ARHGAP31: variants seen among roughly 807,000 people sequenced by gnomAD.
The protein encoded by ARHGAP31 is Rho GTPase activating protein 31.
A neutral mutation model predicts 113.9 loss-of-function variants in ARHGAP31; 34 were observed. That is an observed-to-expected ratio of 0.30 (90% CI 0.23 to 0.40). ARHGAP31 has a LOEUF of 0.40. ARHGAP31 is among the 10% of genes least tolerant of loss of function. The pLI is 1.00. For missense variants in ARHGAP31, 1,548 were observed against 1,767.1 expected, an observed-to-expected ratio of 0.88 and a Z score of 2.22; for synonymous variants, 650 against 684.8, an observed-to-expected ratio of 0.95 and a Z score of 0.79.
chr3:119,355,443 G>A (rs1205038394), intron 1 of ARHGAP31, among the ~76,000 whole-genome samples: 1 of 151,400 alleles, frequency 6.6e-6, no homozygotes, highest in East Asian at 1.9e-4. Context: ...CTCCTGTTCA[G>A]GAAAACATTT....
At chr3:119,302,470 A>G (rs2079592834) in intron 1 of ARHGAP31, among the ~76,000 whole-genome samples, 1 of 152,218 alleles carries the variant, frequency 6.6e-6, no homozygotes, top group African/African-American at 2.4e-5. Flanking sequence ...AGGTCTCTTG[A>G]AGAGAAAGGA....
At chr3:119,303,802 T>C (rs2079606964) in intron 1 of ARHGAP31, among the ~76,000 whole-genome samples, 1 of 150,020 alleles carries the variant, frequency 6.7e-6, no homozygotes. Context: ...GTTGTTGTTG[T>C]TGTTGTTGTT....
chr3:119,346,910 T>A (rs533610452), intron 1 of ARHGAP31, among the ~76,000 whole-genome samples: 26 of 152,250 alleles, frequency 1.7e-4, no homozygotes, highest in Admixed American at 6.5e-5. Context: ...ATCAGGCAGG[T>A]TCAATACAAT....
rs906118812 is a variant in ARHGAP31 at position 119,420,538 on chromosome 3, A to G, written c.*4274A>G. 1 of 152,186 alleles carries G rather than the reference A, an allele frequency of 6.6e-6. No individual in the cohort carries two copies. The highest frequency in any genetic ancestry group is 1.5e-5 in the Non-Finnish European group (1 of 68,026). 9.4% of individuals were successfully genotyped at this position (152,186 alleles called of 1,614,324 possible). A position where few individuals can be genotyped will look rare whatever the true frequency, so the allele number is the denominator to read the frequency against. The stretch of plus-strand genomic sequence containing the variant: ...AGATCATTTAGTAATCTTGAGGTAC[A>G]TTAATAATGCAGAGATTACTTTTCT... On this transcript the variant is annotated 3_prime_UTR_variant, in exon 12 of 12. Coordinates refer to ENST00000264245, the MANE Select transcript of ARHGAP31 (RefSeq NM_020754.4).
At chr3:119,411,407 G>T (rs2080715531) in intron 11 of ARHGAP31, among the ~76,000 whole-genome samples, 1 of 152,136 alleles carries the variant, frequency 6.6e-6, no homozygotes, top group African/African-American at 2.4e-5. Flanking sequence ...TTAGAAGGTA[G>T]AATGGACAGG....
rs572124481 is a variant in ARHGAP31 at position 119,349,532 on chromosome 3, T to A, written c.101-15784T>A. Among the ~76,000 whole-genome samples, 8 of 152,182 alleles carry A rather than the reference T, an allele frequency of 5.3e-5. No individual in the cohort carries two copies. In the East Asian group the frequency reaches 1.4e-3, roughly 26 times the overall value. ...AGAGAACTGTGAGGAGTTTACCTGA[T>A]TAGAGAGGGTGATGTTGGGGGAGGG... On this transcript the variant is annotated intron_variant, in intron 1 of 11. Transcript: ENST00000264245.
At chr3:119,381,978 T>C in intron 4 of ARHGAP31, among the ~76,000 whole-genome samples, 1 of 107,754 alleles carries the variant, frequency 9.3e-6, no homozygotes, top group African/African-American at 3.9e-5. Context: ...AGAGCGAGAC[T>C]CCGTCTCAAA....
rs2080498527 is a variant in ARHGAP31, at chr3:119,390,934, C to T, written c.832C>T (p.Pro278Ser). ...GGAGAACAGCCTGCCTGAGATTGTCCCTCCCATGGGCACCCTCTTCCACAC... is the reference window on the plus strand; with the variant it reads ...GGAGAACAGCCTGCCTGAGATTGTCTCTCCCATGGGCACCCTCTTCCACAC... ...RRENSLPEIV[P>S]PMGTLFHTVL... Residue 278 changes from proline to serine, a missense_variant, in exon 7 of 12, where the codon CCT (proline) becomes TCT (serine). Transcript: ENST00000264245. 1.3e-5 allele frequency: 21 copies of T among 1,614,134 alleles called. No individual in the cohort carries two copies. The highest frequency in any genetic ancestry group is 1.8e-5 in the Non-Finnish European group (21 of 1,180,044).
chr3:119,312,293 A>C (rs1004716334), intron 1 of ARHGAP31, among the ~76,000 whole-genome samples: 2 of 152,236 alleles, frequency 1.3e-5, no homozygotes, highest in African/African-American at 4.8e-5. Context: ...AGAGTTTCAA[A>C]CTTTGTTCCA....
intron 1 of ARHGAP31, among the ~76,000 whole-genome samples, chr3:119,360,437 G>T (rs115846731): frequency 3.9e-5 from 6 of 152,296 alleles, no homozygotes; most frequent in African/African-American, 1.4e-4. Flanking sequence ...CCACGTAAAT[G>T]ACCAAATACA....
At chr3:119,331,399 AG>A (rs2079890746) in intron 1 of ARHGAP31, among the ~76,000 whole-genome samples, 1 of 152,226 alleles carries the variant, frequency 6.6e-6, no homozygotes, top group South Asian at 2.1e-4. Context: ...AAAATGGAAT[AG>A]GTTAAGTGAA....
chr3:119,303,853 G>A (rs2079607498), intron 1 of ARHGAP31, among the ~76,000 whole-genome samples: 1 of 151,844 alleles, frequency 6.6e-6, no homozygotes, highest in Non-Finnish European at 1.5e-5. Context: ...GGAATACAAT[G>A]GTGCGATCTC....
intron 1 of ARHGAP31, among the ~76,000 whole-genome samples, chr3:119,299,831 A>G (rs1286240648): frequency 6.6e-6 from 1 of 152,266 alleles, no homozygotes; most frequent in Non-Finnish European, 1.5e-5. Flanking sequence ...CATCAACAGC[A>G]GCAAAGTCTT....
intron 3 of ARHGAP31, among the ~76,000 whole-genome samples, chr3:119,371,562 C>A (rs773306935): frequency 6.6e-6 from 1 of 152,140 alleles, no homozygotes; most frequent in Non-Finnish European, 1.5e-5. Context: ...TAAACCTTCA[C>A]GGGTATGGAA....
intron 1 of ARHGAP31, among the ~76,000 whole-genome samples, chr3:119,297,324 G>C (rs1475832838): frequency 7.9e-5 from 12 of 152,216 alleles, no homozygotes; most frequent in Admixed American, 2.0e-4. Flanking sequence ...CCTGGACTCT[G>C]CTTCTGGGAG....
chr3:119,346,685 A>C (rs1362492808), intron 1 of ARHGAP31, among the ~76,000 whole-genome samples: 2 of 152,226 alleles, frequency 1.3e-5, no homozygotes, highest in African/African-American at 4.8e-5. Context: ...ATTACTTCTG[A>C]CACCAAAGTG....
chr3:119,357,287 C>A (rs1167435561), intron 1 of ARHGAP31, among the ~76,000 whole-genome samples: 1 of 152,112 alleles, frequency 6.6e-6, no homozygotes, highest in Admixed American at 6.5e-5. Context: ...GGAGGAGTTT[C>A]TCAGTGGAGA....
chr3:119,341,495 G>C (rs2080007942), intron 1 of ARHGAP31, among the ~76,000 whole-genome samples: 1 of 152,158 alleles, frequency 6.6e-6, no homozygotes, highest in Non-Finnish European at 1.5e-5. Context: ...AAGGCACCAA[G>C]AGGTTAAGAA....
At chr3:119,406,375 C>T (rs1001758165) in intron 10 of ARHGAP31, among the ~76,000 whole-genome samples, 21 of 152,108 alleles carry the variant, frequency 1.4e-4, no homozygotes, top group Non-Finnish European at 2.2e-4. Context: ...ATGCATTTAC[C>T]CTTTCACCCA....
Sources: allele counts gnomAD v4.1 joint callset (sites outside exome capture counted in the v4.1 genomes callset), GRCh38; gene constraint gnomAD v4.1.1; transcripts MANE v1.5; gene names NCBI Gene and HGNC (gene_info 2026-07-23, HGNC 2026-07-21).